The following CFAP299 variants were observed in gnomAD, a reference collection of about 807,000 sequenced individuals.
CFAP299 encodes cilia- and flagella-associated protein 299.
In CFAP299, 21 loss-of-function variants were observed where a neutral mutation model predicts 27.0. The observed-to-expected ratio is 0.78, with a 90% CI of 0.55 to 1.12. CFAP299 has a LOEUF of 1.12. Ranked by LOEUF, CFAP299 falls within the 50% of genes most tolerant of loss-of-function variation. The pLI, the probability that CFAP299 is intolerant of heterozygous loss-of-function variation, is 0.00. For synonymous variants in CFAP299, 104 were observed against 98.1 expected, an observed-to-expected ratio of 1.06 and a Z score of -0.36; for missense variants, 310 against 276.6, an observed-to-expected ratio of 1.12 and a Z score of -0.86.
chr4:80,769,835 T>C (rs1220637812), intron 3 of CFAP299, among the ~76,000 whole-genome samples: 1 of 152,228 alleles, frequency 6.6e-6, no homozygotes, highest in East Asian at 1.9e-4. Context: ...GGGTCCTCTT[T>C]CAAGCTTATT....
At chr4:80,639,045 C>T (rs1222698258) in intron 3 of CFAP299, among the ~76,000 whole-genome samples, 1 of 152,106 alleles carries the variant, frequency 6.6e-6, no homozygotes, top group Non-Finnish European at 1.5e-5. Flanking sequence ...AAGGCCACTA[C>T]TCCTATTATG....
intron 1 of CFAP299, among the ~76,000 whole-genome samples, chr4:80,359,509 G>C (rs1231519697): frequency 6.6e-6 from 1 of 152,074 alleles, no homozygotes; most frequent in East Asian, 1.9e-4. Context: ...CAGAGGTTTT[G>C]TTAATTCCTT....
intron 3 of CFAP299, among the ~76,000 whole-genome samples, chr4:80,696,293 CA>C (rs10602062): frequency 0.79 from 101,094 of 128,540 alleles, 39,144 homozygotes; most frequent in Non-Finnish European, 0.85. Context: ...AGCTCCGTCT[CA>C]AAAAAAAAAA....
At chr4:80,779,086 C>T (rs1446631525) in intron 3 of CFAP299, among the ~76,000 whole-genome samples, 1 of 152,012 alleles carries the variant, frequency 6.6e-6, no homozygotes, top group Non-Finnish European at 1.5e-5. Flanking sequence ...AGGCAGACAC[C>T]ATTATCTCCA....
chr4:80,353,239 A>G (rs185527255), intron 1 of CFAP299, among the ~76,000 whole-genome samples: 1 of 152,306 alleles, frequency 6.6e-6, no homozygotes, highest in East Asian at 1.9e-4. Context: ...ATTACTGCTT[A>G]TTGTGGATAA....
chr4:80,780,694 C>G (rs188400434), intron 3 of CFAP299, among the ~76,000 whole-genome samples: 1 of 151,768 alleles, frequency 6.6e-6, no homozygotes, highest in Non-Finnish European at 1.5e-5. Context: ...AGGACTATTG[C>G]TAATGACATG....
chr4:80,441,204 A>G (rs1487060409), intron 2 of CFAP299, among the ~76,000 whole-genome samples: 2 of 152,190 alleles, frequency 1.3e-5, no homozygotes, highest in African/African-American at 4.8e-5. Context: ...AATACAGAGA[A>G]CACCACTAAG....
chr4:80,670,360 T>C (rs1370026660), intron 3 of CFAP299, among the ~76,000 whole-genome samples: 1 of 152,208 alleles, frequency 6.6e-6, no homozygotes, highest in Non-Finnish European at 1.5e-5. Flanking sequence ...GGTGTACATG[T>C]GCCACAATTT....
intron 4 of CFAP299, among the ~76,000 whole-genome samples, chr4:80,943,189 C>G (rs1207185835): frequency 6.6e-6 from 1 of 152,152 alleles, no homozygotes; most frequent in Non-Finnish European, 1.5e-5. Flanking sequence ...CTTTTTCTTA[C>G]TCTGTGCCTC....
chr4:80,942,542 C>T (rs1737253466), intron 4 of CFAP299, among the ~76,000 whole-genome samples: 1 of 152,032 alleles, frequency 6.6e-6, no homozygotes, highest in African/African-American at 2.4e-5. Flanking sequence ...TCCATCTCTG[C>T]TTAGGAGAAC....
chr4:80,751,812 G>T (rs531429189), intron 3 of CFAP299, among the ~76,000 whole-genome samples: 1 of 152,210 alleles, frequency 6.6e-6, no homozygotes, highest in South Asian at 2.1e-4. Context: ...CTGGAATTCT[G>T]AGCCAGTGGT....
intron 2 of CFAP299, among the ~76,000 whole-genome samples, chr4:80,370,100 T>C (rs573681042): frequency 1.3e-5 from 2 of 152,244 alleles, no homozygotes; most frequent in East Asian, 1.9e-4. Flanking sequence ...CTTACAATTA[T>C]GGCAGAGGGT....
At chr4:80,814,596 C>A (rs1338922514) in intron 3 of CFAP299, among the ~76,000 whole-genome samples, 1 of 151,794 alleles carries the variant, frequency 6.6e-6, no homozygotes, top group Non-Finnish European at 1.5e-5. Flanking sequence ...TTTAATGTCT[C>A]TGACTAATTT....
At chr4:80,335,916 C>A in intron 1 of CFAP299, 37 bp downstream of exon 1, 1 of 1,322,356 alleles carries the variant, frequency 7.6e-7, no homozygotes, top group Non-Finnish European at 1.1e-6. Flanking sequence ...CGCCGCCGCG[C>A]GTCCCTCGGT....
At chr4:80,357,925 A>G (rs1723352514) in intron 1 of CFAP299, among the ~76,000 whole-genome samples, 1 of 151,830 alleles carries the variant, frequency 6.6e-6, no homozygotes, top group Non-Finnish European at 1.5e-5. Context: ...TTTAATTGTA[A>G]TATTAGGTTG....
intron 3 of CFAP299, among the ~76,000 whole-genome samples, chr4:80,823,485 C>T (rs1172520930): frequency 6.6e-6 from 1 of 152,086 alleles, no homozygotes; most frequent in African/African-American, 2.4e-5. Flanking sequence ...ATTGGCTCAG[C>T]TAATTAAGGA....
intron 3 of CFAP299, among the ~76,000 whole-genome samples, chr4:80,756,923 C>A (rs1231688670): frequency 6.6e-6 from 1 of 152,110 alleles, no homozygotes; most frequent in African/African-American, 2.4e-5. Context: ...TTAATGGCCT[C>A]CTAAAATATA....
At position 80,556,531 on chromosome 4, in the gene CFAP299, C is replaced by A. The variant is rs182355309; in HGVS notation, c.243-26562C>A. Among the ~76,000 whole-genome samples the A allele has an allele frequency of 1.8e-4, 28 of 152,028 alleles. No individual in the cohort carries two copies. In the East Asian group the frequency reaches 4.8e-3, roughly 26 times the overall value. ...AATATAACCGAAAGGAAGCTAAACACCATCTCAGATTTGACAGTACTTCCT... is the reference window on the plus strand; with the variant it reads ...AATATAACCGAAAGGAAGCTAAACAACATCTCAGATTTGACAGTACTTCCT... On this transcript the variant is annotated intron_variant, in intron 2 of 5. Transcript: ENST00000358105.
At position 80,460,655 on chromosome 4, in the gene CFAP299, A is replaced by C. The variant is rs1170035474; in HGVS notation, c.242+97771A>C. 1.3e-5 allele frequency among the ~76,000 whole-genome samples: 2 copies of C among 152,148 alleles called. 1 individual carries two copies. The highest frequency in any genetic ancestry group is 4.1e-4 in the South Asian group (2 of 4,830). The stretch of plus-strand genomic sequence containing the variant: ...AATATTCTGTTGTGTTTAACCACTG[A>C]TATTTCTAAGTTTGTTAGTGTAGCT... On this transcript the variant is annotated intron_variant, in intron 2 of 5. Coordinates refer to ENST00000358105, the MANE Select transcript of CFAP299 (RefSeq NM_152770.3).
Sources: allele counts gnomAD v4.1 joint callset (sites outside exome capture counted in the v4.1 genomes callset), GRCh38; gene constraint gnomAD v4.1.1; transcripts MANE v1.5; gene names NCBI Gene and HGNC (gene_info 2026-07-23, HGNC 2026-07-21).